URB1: variants seen among roughly 807,000 people sequenced by gnomAD.
The protein encoded by URB1 is nucleolar pre-ribosomal-associated protein 1.
Under a neutral mutation model 242.3 loss-of-function variants are expected in URB1, and 197 were observed. The observed-to-expected ratio is 0.81, with a 90% CI of 0.72 to 0.91. The LOEUF (loss-of-function observed/expected upper bound fraction) is 0.91. Among genes scored for constraint, URB1 ranks in the 40% least tolerant of loss-of-function variants. The pLI, the probability that URB1 is intolerant of heterozygous loss-of-function variation, is 0.00. For synonymous variants in URB1, 1,153 were observed against 1,201.8 expected (o/e 0.96, Z 0.84); for missense variants, 2,721 against 2,860.5 (o/e 0.95, Z 1.11).
At chr21:32,328,851 A>G (rs980495627) in intron 30 of URB1, among the ~76,000 whole-genome samples, 10 of 152,228 alleles carry the variant, frequency 6.6e-5, no homozygotes, top group African/African-American at 1.2e-4. Context: ...GGCTATTTAA[A>G]AATAGTTATA....
chr21:32,315,951 G>A (rs1355694058), intron 38 of URB1, among the ~76,000 whole-genome samples: 1 of 152,190 alleles, frequency 6.6e-6, no homozygotes, highest in African/African-American at 2.4e-5. Context: ...CGGCCCCCTG[G>A]AGCTTGTGCT....
Position 32,334,344 on chromosome 21 carries a change from GA to G in URB1, c.4686-11del. The G allele has an allele frequency of 6.5e-7, 1 of 1,536,674 alleles. No individual in the cohort carries two copies. Among genetic ancestry groups the G allele is most frequent in the South Asian group, 1.2e-5 (1 of 82,914 alleles). On this transcript the variant is annotated splice_polypyrimidine_tract_variant and intron_variant, in intron 28 of 38. Coordinates refer to ENST00000382751, the MANE Select transcript of URB1 (RefSeq NM_014825.3). ...GCCCCACAGCAGCACCCTAGAGCCAGAAAAGGGAAAAGAGACTGGTCACAGA... is the reference window on the plus strand; with the variant it reads ...GCCCCACAGCAGCACCCTAGAGCCAGAAAGGGAAAAGAGACTGGTCACAGA...
chr21:32,321,514 G>A (rs1488929648), intron 34 of URB1, among the ~76,000 whole-genome samples: 9 of 152,124 alleles, frequency 5.9e-5, no homozygotes, highest in African/African-American at 2.2e-4. Flanking sequence ...GATGGCCTTC[G>A]TATATGCCAA....
intron 30 of URB1, 112 bp downstream of exon 30, chr21:32,333,204 AT>A: frequency 1.1e-6 from 1 of 877,414 alleles, no homozygotes. Context: ...TTTAAGAATT[AT>A]TTCCAAGATT....
intron 17 of URB1, among the ~76,000 whole-genome samples, chr21:32,354,420 T>C (rs944752679): frequency 2.0e-5 from 3 of 152,154 alleles, no homozygotes; most frequent in African/African-American, 7.2e-5. Context: ...GGCAAAATAG[T>C]GTGAGGGTTA....
chr21:32,385,856 G>C (rs2033578495), intron 1 of URB1, among the ~76,000 whole-genome samples, 172 bp from the exon 2 acceptor site: 1 of 152,092 alleles, frequency 6.6e-6, no homozygotes, highest in African/African-American at 2.4e-5. Context: ...AATTCATGTT[G>C]AAACCCTAAA....
In URB1 at chr21:32,354,853, A is replaced by G. The variant is rs1215151128; in HGVS notation, c.2245+6T>C. The G allele has an allele frequency of 6.4e-7, 1 of 1,552,256 alleles. No individual in the cohort carries two copies. Among genetic ancestry groups the G allele is most frequent in the Non-Finnish European group, 8.7e-7 (1 of 1,147,066 alleles). ...TCTGAGCAGCGCAGAACAGAATGGA[A>G]CATACCGTCAATGTGGGAGATGGGA... is the stretch of plus-strand genomic sequence containing the variant. On this transcript the variant is annotated splice_donor_region_variant and intron_variant, in intron 17 of 38. Transcript: ENST00000382751.
Position 32,324,622 on chromosome 21 carries a change from A to G in URB1, c.5122-20T>C. ...AAGTAGCTTGAAAACAGAACAGAAA[A>G]GGAAAATGTAAGATGAGCGTGTTCA... On this transcript the variant is annotated intron_variant, in intron 31 of 38. Coordinates refer to ENST00000382751, the MANE Select transcript of URB1 (RefSeq NM_014825.3). The G allele has an allele frequency of 6.5e-7, 1 of 1,528,550 alleles. No homozygotes were observed. The highest frequency in any genetic ancestry group is 2.5e-5 in the East Asian group (1 of 40,790). The allele number at this position is 1,528,550 out of a possible 1,614,324, so 94.7% of individuals were successfully genotyped here. A position where few individuals can be genotyped will look rare whatever the true frequency, so the allele number is the denominator to read the frequency against.
chr21:32,371,872 A>C (rs908636787), intron 8 of URB1, among the ~76,000 whole-genome samples: 2 of 152,236 alleles, frequency 1.3e-5, no homozygotes, highest in African/African-American at 4.8e-5. Flanking sequence ...AGAAAGTCTT[A>C]AAGAATATGA....
chr21:32,319,222 G>C lies in URB1; in HGVS notation c.5787C>G (p.His1929Gln). The change falls in exon 36 of 39, where the codon CAC (histidine) becomes CAG (glutamine). Residue 1929 changes from histidine (H) to glutamine (Q), a missense_variant. Transcript: ENST00000382751. ...CTGGCGGGGGCAGGACTCACCTCAGGTGCTTCATGAGCACGATGAGAACAT... is the reference window on the plus strand; with the variant it reads ...CTGGCGGGGGCAGGACTCACCTCAGCTGCTTCATGAGCACGATGAGAACAT... ...FLYVLIVLMK[H>Q]LRPTLAPVQL... The C allele has an allele frequency of 6.5e-7, 1 of 1,549,224 alleles. No individual in the cohort carries two copies. Among genetic ancestry groups the C allele is most frequent in the Non-Finnish European group, 8.7e-7 (1 of 1,146,080 alleles).
At chr21:32,320,285 GC>G (rs956023277) in intron 35 of URB1, among the ~76,000 whole-genome samples, 1 of 152,230 alleles carries the variant, frequency 6.6e-6, no homozygotes, top group Non-Finnish European at 1.5e-5. Context: ...GTGAACAGCA[GC>G]TGGTGTCTGC....
chr21:32,361,171 G>GAAAGAAAGAAAGAAAGAAAGAA, intron 12 of URB1, 48 bp from the exon 13 acceptor site: 1 of 655,500 alleles, frequency 1.5e-6, no homozygotes, highest in East Asian at 3.1e-5. Flanking sequence ...AAGAAAGAAA[G>GAAAGAAAGAAAGAAAGAAAGAA]AAAGAAAGAA....
chr21:32,359,594 T>C (rs1211422632), intron 14 of URB1, among the ~76,000 whole-genome samples: 1 of 152,228 alleles, frequency 6.6e-6, no homozygotes, highest in Non-Finnish European at 1.5e-5. Flanking sequence ...TTAAGCACCA[T>C]ATTTTACAAA....
rs1228843885 is a variant in URB1 at position 32,314,009 on chromosome 21, TA to T, written c.*908del. ...AAAATTCAAAATCCCCTCTTTGAAG[TA>T]TAGCTTTAAAAATTACAGGCTGTCT... On this transcript the variant is annotated 3_prime_UTR_variant, in exon 39 of 39. Transcript: ENST00000382751. 6.5e-6 allele frequency: 1 copy of T among 153,796 alleles called. No individual in the cohort carries two copies. The highest frequency in any genetic ancestry group is 1.4e-5 in the Non-Finnish European group (1 of 69,144). The allele number at this position is 153,796 out of a possible 1,614,324, so 9.5% of individuals were successfully genotyped here.
chr21:32,346,154 C>T (rs1484777548), intron 22 of URB1, among the ~76,000 whole-genome samples: 4 of 152,300 alleles, frequency 2.6e-5, no homozygotes, highest in East Asian at 3.9e-4. Flanking sequence ...CTTGCTTCCC[C>T]TCTGGCCGTG....
chr21:32,337,444 T>C lies in URB1; in HGVS notation c.4581A>G (p.Ala1527=). 1 of 1,551,276 alleles carries C rather than the reference T, an allele frequency of 6.4e-7. No homozygotes were observed. The highest frequency in any genetic ancestry group is 1.2e-5 in the South Asian group (1 of 84,012). The change falls in exon 27 of 39, where the codon GCA becomes GCG. Residue 1527 remains alanine (A), a synonymous_variant. Transcript: ENST00000382751. ...CPSVCESSHF[A]VLLGAYGATL... ...TGGCGCCATAGGCCCCGAGAAGCAC[T>C]GCAAAGTGGCTGCTCTCACAGACAG...
At position 32,317,007 on chromosome 21, in the gene URB1, G is replaced by A; in HGVS notation, c.6093C>T (p.Gly2031=). The A allele has an allele frequency of 6.4e-7, 1 of 1,550,580 alleles. No individual in the cohort carries two copies. The highest frequency in any genetic ancestry group is 8.7e-7 in the Non-Finnish European group (1 of 1,146,678). ...VMPARAKGPR[G]RKRRPGEAEE... ...CTGCCTCCCCAGGCCTCCTCTTTCG[G>A]CCCCGTGGGCCTTTGGCTCGGGCTG... Residue 2031 remains glycine (G), a synonymous_variant, in exon 38 of 39, where the codon GGC becomes GGT. Coordinates refer to ENST00000382751, the MANE Select transcript of URB1 (RefSeq NM_014825.3).
chr21:32,370,015 T>C (rs944000828), intron 8 of URB1, among the ~76,000 whole-genome samples: 1 of 150,050 alleles, frequency 6.7e-6, no homozygotes, highest in Non-Finnish European at 1.5e-5. Flanking sequence ...CAGGAAAGTC[T>C]GCAGAGACTA....
At chr21:32,370,913 G>A (rs2033399483) in intron 8 of URB1, among the ~76,000 whole-genome samples, 1 of 152,304 alleles carries the variant, frequency 6.6e-6, no homozygotes, top group Non-Finnish European at 1.5e-5. Flanking sequence ...CCTACTATGT[G>A]CCAGGCACTG....
Sources: allele counts gnomAD v4.1 joint callset (sites outside exome capture counted in the v4.1 genomes callset), GRCh38; gene constraint gnomAD v4.1.1; transcripts MANE v1.5; gene names NCBI Gene and HGNC (gene_info 2026-07-23, HGNC 2026-07-21).